APBB2: variants seen among roughly 807,000 people sequenced by gnomAD.
The protein encoded by APBB2 is amyloid beta precursor protein binding family B member 2, also known as Fe65-like 1.
A neutral mutation model predicts 82.5 loss-of-function variants in APBB2; 38 were observed. The observed-to-expected ratio is 0.46, with a 90% CI of 0.36 to 0.60. APBB2 has a LOEUF of 0.60. APBB2 is among the 20% of genes least tolerant of loss of function. The probability of loss-of-function intolerance (pLI) is 0.00; values close to 1 mark genes in which losing one functional copy is unlikely to be tolerated. For synonymous variants in APBB2, 341 were observed against 368.2 expected, an observed-to-expected ratio of 0.93 and a Z score of 0.85; for missense variants, 772 against 972.3, an observed-to-expected ratio of 0.79 and a Z score of 2.74.
At chr4:40,984,496 G>A (rs879813288) in intron 6 of APBB2, among the ~76,000 whole-genome samples, 1 of 151,892 alleles carries the variant, frequency 6.6e-6, no homozygotes, top group African/African-American at 2.4e-5. Flanking sequence ...AAGGGTGGGG[G>A]GTCAGGGAGG....
At chr4:41,198,919 C>T (rs10084966) in intron 1 of APBB2, among the ~76,000 whole-genome samples, 29,692 of 152,076 alleles carry the variant, frequency 0.2, 3,888 homozygotes, top group African/African-American at 0.37. Context: ...TTATACGACA[C>T]TCTACCTGTG....
At chr4:41,106,864 G>C (rs1036889880) in intron 2 of APBB2, among the ~76,000 whole-genome samples, 3 of 152,008 alleles carry the variant, frequency 2.0e-5, no homozygotes, top group African/African-American at 2.4e-5. Flanking sequence ...GTTGGGTCTG[G>C]GCAGAGAAAG....
At chr4:41,166,150 A>G (rs1204704824) in intron 1 of APBB2, among the ~76,000 whole-genome samples, 1 of 150,412 alleles carries the variant, frequency 6.6e-6, no homozygotes, top group African/African-American at 2.4e-5. Context: ...CTGGGATTAC[A>G]GGGTCAGGCC....
intron 1 of APBB2, among the ~76,000 whole-genome samples, chr4:41,172,345 A>C (rs920307768): frequency 1.3e-5 from 2 of 150,772 alleles, no homozygotes; most frequent in Non-Finnish European, 3.0e-5. Context: ...CTATACATAC[A>C]CTTTGGCCTA....
chr4:40,870,274 A>G (rs998734873), intron 12 of APBB2, among the ~76,000 whole-genome samples: 2 of 152,186 alleles, frequency 1.3e-5, no homozygotes, highest in African/African-American at 4.8e-5. Flanking sequence ...CAGATGAGGG[A>G]GGGCAGAGTG....
intron 10 of APBB2, among the ~76,000 whole-genome samples, chr4:40,924,153 T>C (rs935197302): frequency 1.3e-5 from 2 of 152,234 alleles, no homozygotes; most frequent in Non-Finnish European, 2.9e-5. Flanking sequence ...TGGAATGAGA[T>C]GATCCTTATT....
intron 10 of APBB2, among the ~76,000 whole-genome samples, chr4:40,928,256 A>C (rs1456009900): frequency 1.3e-5 from 2 of 152,234 alleles, no homozygotes; most frequent in African/African-American, 2.4e-5. Flanking sequence ...TTCTGAAGTT[A>C]AGGGGACTGG....
intron 10 of APBB2, among the ~76,000 whole-genome samples, chr4:40,930,016 G>A (rs1783675254): frequency 6.6e-6 from 1 of 152,144 alleles, no homozygotes; most frequent in Non-Finnish European, 1.5e-5. Context: ...CTACACAGAG[G>A]AGCATGTGAA....
intron 3 of APBB2, among the ~76,000 whole-genome samples, chr4:41,090,562 A>C (rs1025676784): frequency 6.6e-6 from 1 of 152,234 alleles, no homozygotes; most frequent in Non-Finnish European, 1.5e-5. Context: ...TACTACATCC[A>C]CATTTAGTTC....
At chr4:40,885,861 C>T (rs529697219) in intron 12 of APBB2, among the ~76,000 whole-genome samples, 1 of 152,256 alleles carries the variant, frequency 6.6e-6, no homozygotes, top group South Asian at 2.1e-4. Context: ...CCTAGTGCAT[C>T]TCAGCGTAGG....
At chr4:41,023,843 T>C (rs1406577375) in intron 5 of APBB2, among the ~76,000 whole-genome samples, 2 of 152,104 alleles carry the variant, frequency 1.3e-5, no homozygotes, top group Non-Finnish European at 2.9e-5. Flanking sequence ...AAAATTCATA[T>C]GGAACCAAAA....
At chr4:41,034,348 G>C (rs552229670) in intron 4 of APBB2, among the ~76,000 whole-genome samples, 1 of 152,152 alleles carries the variant, frequency 6.6e-6, no homozygotes, top group East Asian at 1.9e-4. Context: ...TTTTTGCAAC[G>C]GAGTCTGGCT....
intron 2 of APBB2, among the ~76,000 whole-genome samples, chr4:41,115,165 G>A (rs534550468): frequency 6.6e-4 from 101 of 152,144 alleles, no homozygotes; most frequent in African/African-American, 2.2e-3. Flanking sequence ...CAGAAATAAC[G>A]CCACACAGCT....
chr4:41,135,884 T>G (rs967812283), intron 2 of APBB2, among the ~76,000 whole-genome samples: 1 of 152,228 alleles, frequency 6.6e-6, no homozygotes, highest in African/African-American at 2.4e-5. Flanking sequence ...TTGCCCATGC[T>G]GGTCTCAAGC....
At chr4:40,917,217 C>T (rs1780062956) in intron 10 of APBB2, among the ~76,000 whole-genome samples, 1 of 152,180 alleles carries the variant, frequency 6.6e-6, no homozygotes, top group Non-Finnish European at 1.5e-5. Flanking sequence ...CATCTCTTCA[C>T]CTTCATATTC....
intron 4 of APBB2, among the ~76,000 whole-genome samples, chr4:41,057,866 C>T (rs1425599388): frequency 1.3e-5 from 2 of 152,324 alleles, no homozygotes; most frequent in East Asian, 1.9e-4. Flanking sequence ...ATTTCCTCCC[C>T]GCTCTTCCTT....
intron 4 of APBB2, among the ~76,000 whole-genome samples, chr4:41,062,826 C>T (rs959828633): frequency 6.6e-6 from 1 of 152,124 alleles, no homozygotes; most frequent in Non-Finnish European, 1.5e-5. Flanking sequence ...ATAGTTTTCT[C>T]CTAAAGAGCT....
chr4:41,109,756 C>T (rs1261751827), intron 2 of APBB2, among the ~76,000 whole-genome samples: 2 of 152,318 alleles, frequency 1.3e-5, no homozygotes, highest in East Asian at 3.9e-4. Context: ...AGCCGTGAGC[C>T]ACTGCGCCTG....
intron 1 of APBB2, among the ~76,000 whole-genome samples, chr4:41,143,835 T>G (rs1759920133): frequency 6.6e-6 from 1 of 152,218 alleles, no homozygotes; most frequent in Admixed American, 6.5e-5. Flanking sequence ...AAGTAAATCA[T>G]AAATATTATC....
Sources: gnomAD v4.1 joint callset for allele counts (sites outside exome capture counted in the v4.1 genomes callset) on GRCh38, gnomAD v4.1.1 for gene constraint, MANE v1.5 for transcripts, NCBI Gene and HGNC (gene_info 2026-07-23, HGNC 2026-07-21) for gene names.